Variants in CPNE4 observed in about 807,000 individuals in gnomAD.
The protein encoded by CPNE4 is copine-4.
In CPNE4, 25 loss-of-function variants were observed where a neutral mutation model predicts 67.9. The ratio of observed to expected loss-of-function variants is 0.37; its 90% confidence interval spans 0.27 to 0.51. CPNE4 has a LOEUF of 0.51. Ranked by LOEUF, CPNE4 falls within the 20% of genes least tolerant of loss-of-function variation. The pLI is 0.93. For missense variants in CPNE4, 464 were observed against 690.8 expected (o/e 0.67, Z 3.68); for synonymous variants, 242 against 244.9 (o/e 0.99, Z 0.11).
chr3:131,900,833 C>T (rs1451848077), intron 2 of CPNE4, among the ~76,000 whole-genome samples: 2 of 152,096 alleles, frequency 1.3e-5, no homozygotes, highest in Non-Finnish European at 2.9e-5. Context: ...TCGTCACTAA[C>T]AATAATTACC....
intron 2 of CPNE4, among the ~76,000 whole-genome samples, chr3:131,766,666 C>A (rs777816126): frequency 3.3e-5 from 5 of 152,004 alleles, no homozygotes; most frequent in Admixed American, 6.6e-5. Flanking sequence ...CTTGATAACA[C>A]AATTTGATGT....
intron 1 of CPNE4, among the ~76,000 whole-genome samples, chr3:132,004,277 C>A (rs917848521): frequency 6.6e-6 from 1 of 151,930 alleles, no homozygotes; most frequent in Non-Finnish European, 1.5e-5. Flanking sequence ...GTGCATTTTT[C>A]GGTATATTTT....
chr3:131,774,313 A>G (rs543331748), intron 2 of CPNE4, among the ~76,000 whole-genome samples: 5 of 149,614 alleles, frequency 3.3e-5, no homozygotes, highest in African/African-American at 1.2e-4. Context: ...TCTGCAATAT[A>G]TTTTCTACGC....
intron 14 of CPNE4, among the ~76,000 whole-genome samples, chr3:131,544,442 T>G (rs1286023992): frequency 1.3e-5 from 2 of 152,224 alleles, no homozygotes; most frequent in Non-Finnish European, 2.9e-5. Flanking sequence ...ATGCTTTTCA[T>G]ACAGTCTAAT....
At chr3:131,572,258 A>AGTT (rs1937375291) in intron 10 of CPNE4, among the ~76,000 whole-genome samples, 2 of 152,078 alleles carry the variant, frequency 1.3e-5, no homozygotes, top group Admixed American at 6.6e-5. Context: ...TGATTGAGGA[A>AGTT]GTTTAATAAA....
intron 2 of CPNE4, among the ~76,000 whole-genome samples, chr3:131,741,332 C>T (rs547929982): frequency 1.5e-4 from 23 of 152,160 alleles, no homozygotes; most frequent in Non-Finnish European, 2.5e-4. Context: ...TGTGAACTGA[C>T]GACATATCAG....
At chr3:131,866,550 T>C (rs2107682696) in intron 2 of CPNE4, among the ~76,000 whole-genome samples, 1 of 152,346 alleles carries the variant, frequency 6.6e-6, no homozygotes, top group South Asian at 2.1e-4. Flanking sequence ...CACCATTGCA[T>C]GGCCAGCCCT....
chr3:131,585,248 A>G (rs1432802495), intron 8 of CPNE4, among the ~76,000 whole-genome samples: 1 of 152,186 alleles, frequency 6.6e-6, no homozygotes. Flanking sequence ...TTGTGTTTAC[A>G]TTCTATCCTG....
At chr3:131,952,005 C>T (rs1422411581) in intron 1 of CPNE4, among the ~76,000 whole-genome samples, 33 of 149,978 alleles carry the variant, frequency 2.2e-4, no homozygotes, top group African/African-American at 6.4e-4. Flanking sequence ...AAGTGAGGAG[C>T]GTCTCTGCCT....
intron 1 of CPNE4, among the ~76,000 whole-genome samples, chr3:132,005,120 A>G (rs186938604): frequency 1.3e-3 from 204 of 151,912 alleles, no homozygotes; most frequent in African/African-American, 4.8e-3. Context: ...TGTGGTGACT[A>G]TGAAGAAAGC....
chr3:131,796,965 T>C (rs1177859660), intron 2 of CPNE4, among the ~76,000 whole-genome samples: 4 of 152,230 alleles, frequency 2.6e-5, no homozygotes, highest in Non-Finnish European at 5.9e-5. Flanking sequence ...CTCTCTTTCT[T>C]TGGAAAGGGC....
At chr3:131,650,213 C>T (rs886636365) in intron 7 of CPNE4, among the ~76,000 whole-genome samples, 1 of 152,174 alleles carries the variant, frequency 6.6e-6, no homozygotes, top group Non-Finnish European at 1.5e-5. Flanking sequence ...TACATCTTCA[C>T]CTCTTCCATA....
chr3:131,592,555 G>T (rs889631170), intron 7 of CPNE4, among the ~76,000 whole-genome samples: 4 of 151,680 alleles, frequency 2.6e-5, no homozygotes, highest in Admixed American at 2.0e-4. Context: ...TAGACACCTG[G>T]TAAGTGACAA....
In CPNE4 at chr3:131,950,543, A is replaced by G. The variant is rs2071692858; in HGVS notation, c.-1-45099T>C. Among the ~76,000 whole-genome samples the G allele has an allele frequency of 2.6e-5, 4 of 152,208 alleles. No individual in the cohort carries two copies. In the South Asian group the frequency reaches 8.3e-4, roughly 32 times the overall value. On this transcript the variant is annotated intron_variant, in intron 1 of 15. Coordinates refer to ENST00000429747, the MANE Select transcript of CPNE4 (RefSeq NM_130808.3). ...CAGCTGGGAACATGCATGTCAAGTT[A>G]CTCAAATTTTTCACAGCTCTGCGTA...
intron 7 of CPNE4, among the ~76,000 whole-genome samples, chr3:131,650,814 A>G (rs139294976): frequency 1.3e-3 from 189 of 150,954 alleles, no homozygotes; most frequent in African/African-American, 4.3e-3. Flanking sequence ...ATACTATATT[A>G]GTATAATAGT....
At chr3:131,872,529 C>T (rs1183014958) in intron 2 of CPNE4, among the ~76,000 whole-genome samples, 2 of 152,170 alleles carry the variant, frequency 1.3e-5, no homozygotes, top group Non-Finnish European at 2.9e-5. Flanking sequence ...AAGGTCCACC[C>T]ACTTTAGGAA....
chr3:131,646,689 T>C (rs1004706498), intron 7 of CPNE4, among the ~76,000 whole-genome samples: 2 of 152,146 alleles, frequency 1.3e-5, no homozygotes, highest in African/African-American at 4.8e-5. Flanking sequence ...TGCAACAAAA[T>C]ATCTCATGAA....
At chr3:131,962,083 C>A (rs2072199114) in intron 1 of CPNE4, among the ~76,000 whole-genome samples, 1 of 152,196 alleles carries the variant, frequency 6.6e-6, no homozygotes. Context: ...CATGCATATT[C>A]AATTGCCCAG....
At chr3:131,563,065 T>TTTCCCA (rs1559902314) in intron 11 of CPNE4, among the ~76,000 whole-genome samples, 1 of 152,004 alleles carries the variant, frequency 6.6e-6, no homozygotes, top group Non-Finnish European at 1.5e-5. Flanking sequence ...TGACTGCACC[T>TTTCCCA]TTCCCATTGC....
Sources: gnomAD v4.1 joint callset for allele counts (sites outside exome capture counted in the v4.1 genomes callset) on GRCh38, gnomAD v4.1.1 for gene constraint, MANE v1.5 for transcripts, NCBI Gene and HGNC (gene_info 2026-07-23, HGNC 2026-07-21) for gene names.